RPS6KA5: variants seen among roughly 807,000 people sequenced by gnomAD.
RPS6KA5 encodes the protein ribosomal protein S6 kinase A5.
A neutral mutation model predicts 85.5 loss-of-function variants in RPS6KA5; 27 were observed. The ratio of observed to expected loss-of-function variants is 0.32; its 90% CI spans 0.23 to 0.44. RPS6KA5 has a LOEUF of 0.44. Ranked by LOEUF, RPS6KA5 falls within the 20% of genes least tolerant of loss-of-function variation. The probability of loss-of-function intolerance (pLI) is 1.00; values close to 1 mark genes in which losing one functional copy is unlikely to be tolerated. For missense variants in RPS6KA5, 811 were observed against 980.9 expected, an observed-to-expected ratio of 0.83 and a Z score of 2.31; for synonymous variants, 334 against 348.2, an observed-to-expected ratio of 0.96 and a Z score of 0.46.
chr14:90,919,964 C>T (rs1025436970), intron 7 of RPS6KA5, among the ~76,000 whole-genome samples: 11 of 152,030 alleles, frequency 7.2e-5, no homozygotes, highest in Non-Finnish European at 1.2e-4. Flanking sequence ...TGGGGCACAC[C>T]AAAATCATGA....
intron 3 of RPS6KA5, among the ~76,000 whole-genome samples, chr14:90,952,683 G>C (rs11847401): frequency 6.6e-6 from 1 of 152,172 alleles, no homozygotes; most frequent in African/African-American, 2.4e-5. Flanking sequence ...CTCAAACATC[G>C]CATGCAAATG....
chr14:90,890,307 T>C (rs2034478440), intron 14 of RPS6KA5, among the ~76,000 whole-genome samples, 180 bp downstream of exon 14: 1 of 152,358 alleles, frequency 6.6e-6, no homozygotes, highest in Non-Finnish European at 1.5e-5. Flanking sequence ...TCTTACATTT[T>C]CTTTAATATA....
rs566527251 is a variant in RPS6KA5 at position 90,957,105 on chromosome 14, C to T, written c.395-9555G>A. On this transcript the variant is annotated intron_variant, in intron 3 of 16. Transcript: ENST00000614987. ...TTTGAGACAGAGTCTCACTCTGTCA[C>T]CCACACTGAAGTACAGTGGCACAAA... Among the ~76,000 whole-genome samples, 10 of 151,968 alleles carry T rather than the reference C, an allele frequency of 6.6e-5. No homozygotes were observed. In the South Asian group the frequency reaches 1.9e-3, roughly 28 times the overall value.
intron 14 of RPS6KA5, among the ~76,000 whole-genome samples, chr14:90,887,583 C>G (rs1216921140): frequency 6.6e-6 from 1 of 151,974 alleles, no homozygotes; most frequent in African/African-American, 2.4e-5. Flanking sequence ...AATCAATATT[C>G]AAATTTCCCT....
chr14:90,973,792 T>G (rs1432396370), intron 3 of RPS6KA5, among the ~76,000 whole-genome samples: 5 of 152,068 alleles, frequency 3.3e-5, no homozygotes, highest in Non-Finnish European at 7.4e-5. Context: ...ATCCCAGCAC[T>G]TTGGGAGGCC....
chr14:90,997,039 C>T (rs1286153), intron 2 of RPS6KA5, among the ~76,000 whole-genome samples: 27,787 of 152,100 alleles, frequency 0.18, 2,698 homozygotes, highest in East Asian at 0.31. Flanking sequence ...ATGAACTCTT[C>T]AGGCAATATA....
chr14:91,030,617 A>G lies in RPS6KA5; in HGVS notation c.104-29458T>C, dbSNP rs1419328402. On this transcript the variant is annotated intron_variant, in intron 1 of 16. Coordinates refer to ENST00000614987, the MANE Select transcript of RPS6KA5 (RefSeq NM_004755.4). ...CAAGACACCAAAATAAACAGAAAAA[A>G]AAAAAAAAAAAAAAAAAAAAAAGGA... is the stretch of plus-strand genomic sequence containing the variant. Among the ~76,000 whole-genome samples the G allele has an allele frequency of 2.9e-3, 389 of 133,162 alleles. 2 individuals carry two copies. Among genetic ancestry groups the G allele is most frequent in the African/African-American group, 0.011 (362 of 33,376 alleles). The allele number at this position is 133,162 out of a possible 152,430, so 87.4% of individuals were successfully genotyped here.
rs1249639281 is a variant in RPS6KA5 at position 90,863,075 on chromosome 14, CG to C, written c.*8998del. 6.6e-6 allele frequency: 1 copy of C among 151,494 alleles called. No individual in the cohort carries two copies. Among genetic ancestry groups the C allele is most frequent in the Non-Finnish European group, 1.5e-5 (1 of 67,890 alleles). The allele number at this position is 151,494 out of a possible 1,614,324, so 9.4% of individuals were successfully genotyped here. On this transcript the variant is annotated 3_prime_UTR_variant, in exon 17 of 17. Transcript: ENST00000614987. ...ATCTCAGCACTTTGGGAGGCTGAGG[CG>C]GGTGGATCACGAGGTCAGGAATTCG...
chr14:91,027,732 C>T (rs2042036283), intron 1 of RPS6KA5, among the ~76,000 whole-genome samples: 2 of 152,138 alleles, frequency 1.3e-5, no homozygotes, highest in African/African-American at 2.4e-5. Flanking sequence ...GAGAAGCTGA[C>T]ATCTAGAGTA....
chr14:91,002,798 T>C (rs1176640361), intron 1 of RPS6KA5, among the ~76,000 whole-genome samples: 1 of 152,146 alleles, frequency 6.6e-6, no homozygotes, highest in Non-Finnish European at 1.5e-5. Context: ...TGAACAACAA[T>C]TGCCCTCTTC....
Position 90,873,654 on chromosome 14 carries a change from G to A in RPS6KA5, c.2138C>T (p.Thr713Ile). The A allele has an allele frequency of 1.2e-6, 2 of 1,614,128 alleles. No homozygotes were observed. Among genetic ancestry groups the A allele is most frequent in the Non-Finnish European group, 1.7e-6 (2 of 1,180,010 alleles). The change falls in exon 16 of 17, where the codon ACC becomes ATC. Residue 713 changes from threonine (T) to isoleucine (I), a missense_variant. Transcript: ENST00000614987. ...TACGTGGAAGGTTGCTTTCACACAG[G>A]TATGCACGGCAGCTCCGGAAGATCC... is the stretch of plus-strand genomic sequence containing the variant. ...ILGSSGAAVH[T>I]CVKATFHAFN... is the part of the protein sequence containing the mutation.
chr14:91,009,909 G>A (rs2041185659), intron 1 of RPS6KA5, among the ~76,000 whole-genome samples: 1 of 152,116 alleles, frequency 6.6e-6, no homozygotes, highest in Non-Finnish European at 1.5e-5. Flanking sequence ...CAGAGAAGTG[G>A]TTCAACTAAC....
chr14:91,029,574 G>T (rs1487410487), intron 1 of RPS6KA5, among the ~76,000 whole-genome samples: 1 of 152,146 alleles, frequency 6.6e-6, no homozygotes, highest in Non-Finnish European at 1.5e-5. Context: ...TAGCTATAAT[G>T]TATACATTCT....
chr14:90,970,987 CA>C (rs1340624420), intron 3 of RPS6KA5, among the ~76,000 whole-genome samples: 1 of 151,750 alleles, frequency 6.6e-6, no homozygotes, highest in Non-Finnish European at 1.5e-5. Flanking sequence ...GACCAGAGGC[CA>C]AATCTGGTCC....
intron 7 of RPS6KA5, among the ~76,000 whole-genome samples, chr14:90,913,584 G>C (rs1462375517): frequency 6.6e-6 from 1 of 152,158 alleles, no homozygotes; most frequent in African/African-American, 2.4e-5. Context: ...GACGTGCCTG[G>C]AAGTGTCTTA....
intron 4 of RPS6KA5, among the ~76,000 whole-genome samples, chr14:90,946,095 T>C (rs974462600): frequency 1.3e-5 from 2 of 152,220 alleles, no homozygotes; most frequent in African/African-American, 4.8e-5. Context: ...AAGGTCTTTC[T>C]TTGCAGCATA....
At chr14:90,947,662 A>AAATTG in intron 3 of RPS6KA5, 112 bp from the exon 4 acceptor site, 1 of 643,386 alleles carries the variant, frequency 1.6e-6, no homozygotes, top group Non-Finnish European at 2.7e-6. Context: ...ATATATTGCT[A>AAATTG]TATACAATTT....
At chr14:90,880,803 C>T (rs191691682) in intron 14 of RPS6KA5, among the ~76,000 whole-genome samples, 168 of 151,778 alleles carry the variant, frequency 1.1e-3, no homozygotes, top group Admixed American at 2.2e-3. Context: ...TATATGAGGA[C>T]CCTCTGACCC....
chr14:90,857,985 T>C lies in RPS6KA5; in HGVS notation c.*14089A>G, dbSNP rs966495009. Reference sequence around the variant, plus strand: ...GACCATGTGACAACCAAGTTATCAATGCCAGAAGCCACTGCGGAGAAATCA... The same window carrying C: ...GACCATGTGACAACCAAGTTATCAACGCCAGAAGCCACTGCGGAGAAATCA... On this transcript the variant is annotated 3_prime_UTR_variant, in exon 17 of 17. Coordinates refer to ENST00000614987, the MANE Select transcript of RPS6KA5 (RefSeq NM_004755.4). 7.9e-5 allele frequency: 12 copies of C among 152,226 alleles called. No individual in the cohort carries two copies. The highest frequency in any genetic ancestry group is 6.5e-4 in the Admixed American group (10 of 15,282). The allele number at this position is 152,226 out of a possible 1,614,324, so 9.4% of individuals were successfully genotyped here.
Sources: gnomAD v4.1 joint callset for allele counts (sites outside exome capture counted in the v4.1 genomes callset) on GRCh38, gnomAD v4.1.1 for gene constraint, MANE v1.5 for transcripts, NCBI Gene and HGNC (gene_info 2026-07-23, HGNC 2026-07-21) for gene names.